Variants in HIVEP3 observed in about 807,000 individuals in gnomAD.
The protein encoded by HIVEP3 is HIVEP zinc finger 3, also known as transcription factor HIVEP3.
A neutral mutation model predicts 152.8 loss-of-function variants in HIVEP3; 49 were observed. That is an observed-to-expected ratio of 0.32 (90% CI 0.26 to 0.41). The LOEUF (loss-of-function observed/expected upper bound fraction) is 0.41. Among genes scored for constraint, HIVEP3 ranks in the 10% least tolerant of loss-of-function variants. The pLI is 1.00. For synonymous variants in HIVEP3, 1,269 were observed against 1,289.0 expected, an observed-to-expected ratio of 0.98 and a Z score of 0.33; for missense variants, 2,790 against 3,103.3, an observed-to-expected ratio of 0.90 and a Z score of 2.40.
chr1:41,846,876 C>T (rs2124376605), intron 1 of HIVEP3, among the ~76,000 whole-genome samples: 1 of 152,356 alleles, frequency 6.6e-6, no homozygotes, highest in Admixed American at 6.5e-5. Context: ...CCAATGAGCA[C>T]TCATGGGATA....
intron 1 of HIVEP3, among the ~76,000 whole-genome samples, chr1:41,945,322 G>A (rs1360085106): frequency 5.3e-5 from 8 of 152,176 alleles, no homozygotes; most frequent in East Asian, 3.8e-4. Flanking sequence ...GTGGGAGGAG[G>A]AGAATTTGGC....
At chr1:41,617,324 A>G (rs964439841) in intron 3 of HIVEP3, among the ~76,000 whole-genome samples, 2 of 152,212 alleles carry the variant, frequency 1.3e-5, no homozygotes, top group African/African-American at 4.8e-5. Context: ...TAAAATACCT[A>G]TGGGGCCTAT....
rs912117058 is a variant in HIVEP3, at chr1:41,662,807, T to C, written c.-720-33860A>G. On this transcript the variant is annotated intron_variant, in intron 2 of 8. Transcript: ENST00000372583. This position sits in a 1 kb window ranked among gnomAD's most constrained non-coding sequence, Gnocchi z 7.2. ...GTCGCCGCCGCCGGGGCCCTGCCAC[T>C]CTGCGCCACGCCTTGGTCGCACCCG... Among the ~76,000 whole-genome samples, 1 of 152,048 alleles carries C rather than the reference T, an allele frequency of 6.6e-6. No homozygotes were observed. The highest frequency in any genetic ancestry group is 6.5e-5 in the Admixed American group (1 of 15,288).
chr1:41,960,061 G>A (rs985012296), intron 1 of HIVEP3, among the ~76,000 whole-genome samples: 4 of 152,124 alleles, frequency 2.6e-5, no homozygotes, highest in African/African-American at 7.2e-5. Context: ...TCATAAACTG[G>A]CAAGTACAAC....
At chr1:41,565,058 G>A (rs1644139801) in intron 5 of HIVEP3, among the ~76,000 whole-genome samples, 2 of 152,204 alleles carry the variant, frequency 1.3e-5, no homozygotes, top group South Asian at 2.1e-4. Flanking sequence ...TGGGTGAGGC[G>A]TGAATCTGGG....
chr1:41,814,560 A>G (rs1293833050), intron 1 of HIVEP3, among the ~76,000 whole-genome samples: 4 of 152,258 alleles, frequency 2.6e-5, no homozygotes, highest in Admixed American at 6.5e-5. Flanking sequence ...ATAGCCATGA[A>G]TCTTGCATAA....
intron 2 of HIVEP3, among the ~76,000 whole-genome samples, chr1:41,653,492 T>C (rs550333518): frequency 1.1e-4 from 16 of 152,258 alleles, no homozygotes; most frequent in Admixed American, 9.2e-4. Context: ...TTACACCCCA[T>C]GGCACTTGTG....
intron 1 of HIVEP3, among the ~76,000 whole-genome samples, chr1:41,711,500 T>C (rs896360092): frequency 6.6e-6 from 1 of 152,226 alleles, no homozygotes; most frequent in Non-Finnish European, 1.5e-5. Context: ...CTCTGTCCCT[T>C]AGAAGCTCTG....
At position 41,513,214 on chromosome 1, in the gene HIVEP3, G is replaced by C; in HGVS notation, c.6007C>G (p.Pro2003Ala). ...SPQRCSPARE[P>A]QASAPSPPGL... Reference sequence around the variant, plus strand: ...GGTGGGCTTGGGGCTGAGGCCTGTGGTTCTCGGGCCGGGGAGCATCGCTGG... The same window carrying C: ...GGTGGGCTTGGGGCTGAGGCCTGTGCTTCTCGGGCCGGGGAGCATCGCTGG... The change falls in exon 8 of 9, where the codon CCA becomes GCA. Residue 2003 changes from proline to alanine, a missense_variant. Physicochemically the swap from Pro to Ala is conservative, Grantham distance 27. Transcript: ENST00000372583. 7 of 1,613,794 alleles carry C rather than the reference G, an allele frequency of 4.3e-6. No individual in the cohort carries two copies. The highest frequency in any genetic ancestry group is 5.9e-6 in the Non-Finnish European group (7 of 1,179,940).
At chr1:42,023,755 G>A (rs947026404) in intron 1 of HIVEP3, among the ~76,000 whole-genome samples, 6 of 152,242 alleles carry the variant, frequency 3.9e-5, no homozygotes, top group Middle Eastern at 3.4e-3. Context: ...AAACTGAGCC[G>A]ATGCCAGCAT....
rs116138097 is a variant in HIVEP3, at chr1:41,762,710, G to A, written c.-800-61715C>T. Among the ~76,000 whole-genome samples, 816 of 152,358 alleles carry A rather than the reference G, an allele frequency of 5.4e-3. 9 individuals are homozygous for A. The highest frequency in any genetic ancestry group is 0.019 in the African/African-American group (788 of 41,582). The stretch of plus-strand genomic sequence containing the variant: ...TTGCTCACACACCCACTTCTGCCAT[G>A]GGCTGAGTGCGCTGTCCTTGTGGCC... On this transcript the variant is annotated intron_variant, in intron 1 of 8. Coordinates refer to ENST00000372583, the MANE Select transcript of HIVEP3 (RefSeq NM_024503.5).
rs375299896 is a variant in HIVEP3 at position 41,513,017 on chromosome 1, G to A, written c.6204C>T (p.Pro2068=). Residue 2068 remains proline (P), a synonymous_variant, in exon 8 of 9, where the codon CCC becomes CCT. Coordinates refer to ENST00000372583, the MANE Select transcript of HIVEP3 (RefSeq NM_024503.5). Reference sequence around the variant, plus strand: ...CCTGACCTGGAGACCATCTCCTGGTGGGCGAGTATCTGGGGAGGCCTGGGT... The same window carrying A: ...CCTGACCTGGAGACCATCTCCTGGTAGGCGAGTATCTGGGGAGGCCTGGGT... ...TTDPGLPRYS[P]TRRWSPGQAE... The A allele has an allele frequency of 1.2e-6, 2 of 1,613,406 alleles. No homozygotes were observed. The highest frequency in any genetic ancestry group is 2.7e-5 in the African/African-American group (2 of 74,956).
chr1:41,780,080 C>A (rs1648952169), intron 1 of HIVEP3, among the ~76,000 whole-genome samples: 1 of 152,172 alleles, frequency 6.6e-6, no homozygotes. Context: ...GAAGAACCAA[C>A]CTTGCTAGGG....
Position 41,583,731 on chromosome 1 carries a change from T to C in HIVEP3, c.1067A>G (p.Asp356Gly). 6.2e-7 allele frequency: 1 copy of C among 1,604,240 alleles called. No individual in the cohort carries two copies. The highest frequency in any genetic ancestry group is 1.1e-5 in the South Asian group (1 of 89,064). The change falls in exon 4 of 9, where the codon GAC becomes GGC. Residue 356 changes from aspartate (D) to glycine (G), a missense_variant. This residue lies in a region of HIVEP3 where 134 missense variants were observed against 242.5 expected (regional missense o/e 0.55). Transcript: ENST00000372583. This position sits in a 1 kb window ranked among gnomAD's most constrained non-coding sequence, Gnocchi z 6.9. ...SEHPLSHKPE[D>G]THTIKQKLAL... ...CAGCTTCTGCTTAATCGTGTGGGTG[T>C]CTTCAGGTTTATGGCTCAGGGGGTG...
Position 41,583,387 on chromosome 1 carries a change from T to A in HIVEP3, c.1411A>T (p.Ile471Phe). The change falls in exon 4 of 9, where the codon ATC (isoleucine) becomes TTC (phenylalanine). Residue 471 changes from isoleucine to phenylalanine, a missense_variant. Physicochemically the swap from Ile to Phe is conservative, Grantham distance 21 (BLOSUM62 0). Coordinates refer to ENST00000372583, the MANE Select transcript of HIVEP3 (RefSeq NM_024503.5). This position sits in a 1 kb window ranked among gnomAD's most constrained non-coding sequence, Gnocchi z 6.9. ...VIEHITKLIT[I>F]NEAVVDTSEI... The stretch of plus-strand genomic sequence containing the variant: ...CTGGTGTCCACCACGGCCTCGTTGA[T>A]GGTGATGAGCTTCGTGATGTGCTCG... The A allele has an allele frequency of 6.2e-7, 1 of 1,613,766 alleles. No homozygotes were observed. Among genetic ancestry groups the A allele is most frequent in the Non-Finnish European group, 8.5e-7 (1 of 1,179,846 alleles).
At chr1:41,832,088 C>T (rs1224428619) in intron 1 of HIVEP3, among the ~76,000 whole-genome samples, 1 of 152,214 alleles carries the variant, frequency 6.6e-6, no homozygotes, top group Non-Finnish European at 1.5e-5. Flanking sequence ...TCGAGATCTG[C>T]ATTTCTAACT....
intron 5 of HIVEP3, among the ~76,000 whole-genome samples, chr1:41,553,006 T>TA (rs1643912852): frequency 6.6e-6 from 1 of 152,240 alleles, no homozygotes. Context: ...TGTAGATGTC[T>TA]ATTAGGTCCG....
chr1:41,767,680 C>G (rs1648101054), intron 1 of HIVEP3, among the ~76,000 whole-genome samples: 1 of 152,228 alleles, frequency 6.6e-6, no homozygotes, highest in Non-Finnish European at 1.5e-5. Context: ...AAGCACACTG[C>G]TTGACCTGCT....
intron 1 of HIVEP3, among the ~76,000 whole-genome samples, chr1:41,768,166 G>T (rs536397985): frequency 1.3e-5 from 2 of 152,348 alleles, no homozygotes; most frequent in South Asian, 4.1e-4. Flanking sequence ...GGAAGAAAAA[G>T]AGGTTTAATG....
Sources: gnomAD v4.1 joint callset for allele counts (sites outside exome capture counted in the v4.1 genomes callset) on GRCh38, gnomAD v4.1.1 for gene constraint, gnomAD v4.1.1 regional missense constraint, Gnocchi (gnomAD v3.1) non-coding constraint, MANE v1.5 for transcripts, NCBI Gene and HGNC (gene_info 2026-07-23, HGNC 2026-07-21) for gene names.